Variants in FNBP1L observed in about 807,000 individuals in gnomAD.
The protein encoded by FNBP1L is formin-binding protein 1-like.
FNBP1L carries 36 observed loss-of-function variants against 91.2 expected under a neutral mutation model. The observed-to-expected ratio is 0.39, with a 90% CI of 0.30 to 0.52. The LOEUF is 0.52. FNBP1L is among the 20% of genes least tolerant of loss of function. The pLI, the probability that FNBP1L is intolerant of heterozygous loss-of-function variation, is 0.66. For missense variants in FNBP1L, 571 were observed against 732.1 expected, an observed-to-expected ratio of 0.78 and a Z score of 2.54; for synonymous variants, 242 against 237.0, an observed-to-expected ratio of 1.02 and a Z score of -0.19.
chr1:93,452,304 T>G (rs1244287469), intron 1 of FNBP1L, among the ~76,000 whole-genome samples: 1 of 152,190 alleles, frequency 6.6e-6, no homozygotes, highest in Non-Finnish European at 1.5e-5. Flanking sequence ...TCTGAAGGCC[T>G]TTGTAGATGG....
chr1:93,480,554 G>T (rs1382554714), intron 1 of FNBP1L, among the ~76,000 whole-genome samples: 1 of 151,878 alleles, frequency 6.6e-6, no homozygotes, highest in Non-Finnish European at 1.5e-5. Flanking sequence ...GACTCTAGGG[G>T]TCCTGTAAGT....
chr1:93,462,690 A>G (rs1406805166), intron 1 of FNBP1L, among the ~76,000 whole-genome samples: 1 of 152,110 alleles, frequency 6.6e-6, no homozygotes, highest in Non-Finnish European at 1.5e-5. Context: ...GGTTTTGGGG[A>G]GGAAGACCAT....
chr1:93,507,105 ACACTCTCTCTCTCTCTCTCTCT>A (rs1670659566), intron 2 of FNBP1L, among the ~76,000 whole-genome samples: 1 of 48,788 alleles, frequency 2.0e-5, no homozygotes. Context: ...ACACACACAC[ACACTCTCTCTCTCTCTCTCTCT>A]CTCTCTCTCT....
At chr1:93,476,408 C>T (rs140133278) in intron 1 of FNBP1L, among the ~76,000 whole-genome samples, 1 of 152,264 alleles carries the variant, frequency 6.6e-6, no homozygotes, top group East Asian at 1.9e-4. Context: ...AAGCACTCAA[C>T]ACAGTGCTTG....
intron 10 of FNBP1L, among the ~76,000 whole-genome samples, chr1:93,538,543 G>C (rs1428112341): frequency 6.6e-6 from 1 of 151,884 alleles, no homozygotes; most frequent in African/African-American, 2.4e-5. Context: ...ACAACTTGGA[G>C]GTTGAGAAAT....
At chr1:93,533,954 T>C (rs369723751) in intron 8 of FNBP1L, among the ~76,000 whole-genome samples, 6 of 152,116 alleles carry the variant, frequency 3.9e-5, no homozygotes, top group East Asian at 1.9e-4. Flanking sequence ...TTAACAGAAA[T>C]AGGCAACAAA....
intron 1 of FNBP1L, among the ~76,000 whole-genome samples, chr1:93,473,407 C>A (rs1183952179): frequency 6.6e-6 from 1 of 152,014 alleles, no homozygotes; most frequent in Non-Finnish European, 1.5e-5. Flanking sequence ...GAAGGTGAAA[C>A]TTAAGGTTAA....
intron 1 of FNBP1L, among the ~76,000 whole-genome samples, chr1:93,465,316 A>G (rs904918715): frequency 6.8e-4 from 103 of 151,886 alleles, no homozygotes; most frequent in African/African-American, 2.3e-3. Context: ...AACCCATCAT[A>G]TACATTATGT....
intron 2 of FNBP1L, among the ~76,000 whole-genome samples, chr1:93,520,302 A>G (rs1036217243): frequency 6.6e-6 from 1 of 152,226 alleles, no homozygotes; most frequent in Non-Finnish European, 1.5e-5. Context: ...TAATTAAGAC[A>G]GTGATTCTTT....
intron 2 of FNBP1L, among the ~76,000 whole-genome samples, chr1:93,513,939 G>A (rs1044293822): frequency 1.3e-5 from 2 of 152,116 alleles, no homozygotes; most frequent in Admixed American, 6.6e-5. Context: ...GCAGGAGAAA[G>A]AAATAAAGGG....
At chr1:93,529,867 T>C in intron 6 of FNBP1L, 111 bp downstream of exon 6, 1 of 639,884 alleles carries the variant, frequency 1.6e-6, no homozygotes, top group Non-Finnish European at 2.7e-6. Context: ...AGATACACTG[T>C]ATCTAAGTCT....
chr1:93,538,170 A>G (rs760920155), intron 10 of FNBP1L, among the ~76,000 whole-genome samples: 2 of 151,778 alleles, frequency 1.3e-5, no homozygotes, highest in Non-Finnish European at 2.9e-5. Flanking sequence ...AGTCATAGAG[A>G]TGCGAGGTAA....
At chr1:93,494,683 A>G (rs760833628) in intron 1 of FNBP1L, among the ~76,000 whole-genome samples, 2 of 152,202 alleles carry the variant, frequency 1.3e-5, no homozygotes, top group Non-Finnish European at 2.9e-5. Context: ...CCAAATGTAT[A>G]TATTTCTTAT....
chr1:93,546,517 G>A (rs1461593619), intron 12 of FNBP1L, among the ~76,000 whole-genome samples: 2 of 152,236 alleles, frequency 1.3e-5, no homozygotes, highest in African/African-American at 4.8e-5. Flanking sequence ...TTTGGGACAT[G>A]ATGAGCTGAA....
At chr1:93,476,680 A>T (rs1403128561) in intron 1 of FNBP1L, among the ~76,000 whole-genome samples, 1 of 152,138 alleles carries the variant, frequency 6.6e-6, no homozygotes, top group Non-Finnish European at 1.5e-5. Context: ...TGGTTAGGAG[A>T]TAATAGGTGT....
chr1:93,547,209 G>T, intron 13 of FNBP1L, 138 bp from the exon 14 acceptor site: 1 of 881,550 alleles, frequency 1.1e-6, no homozygotes, highest in Non-Finnish European at 1.7e-6. Flanking sequence ...TTGATCCTTT[G>T]ACCAGTTTGG....
rs34705153 is a variant in FNBP1L at position 93,459,941 on chromosome 1, A to ATGTGTGTGTGTGTGTGTG, written c.24+11656_24+11673dup. Reference sequence around the variant, plus strand: ...AGACCAGAAGTGTTTTGGATTTCAGATGTGTGTGTGTGTGTGTGTGTGTGT... The same window carrying ATGTGTGTGTGTGTGTGTG: ...AGACCAGAAGTGTTTTGGATTTCAGATGTGTGTGTGTGTGTGTGTGTGTGTGTGTGTGTGTGTGTGTGT... On this transcript the variant is annotated intron_variant, in intron 1 of 16. Coordinates refer to ENST00000271234, the MANE Select transcript of FNBP1L (RefSeq NM_001164473.3). Among the ~76,000 whole-genome samples, 995 of 142,256 alleles carry ATGTGTGTGTGTGTGTGTG rather than the reference A, an allele frequency of 7.0e-3. 11 individuals carry two copies. Among genetic ancestry groups the ATGTGTGTGTGTGTGTGTG allele is most frequent in the Non-Finnish European group, 8.7e-3 (567 of 65,250 alleles). The allele number at this position is 142,256 out of a possible 152,430, so 93.3% of individuals were successfully genotyped here. A position where few individuals can be genotyped will look rare whatever the true frequency, so the allele number is the denominator to read the frequency against.
At chr1:93,544,033 T>C in intron 11 of FNBP1L, 74 bp from the exon 12 acceptor site, 3 of 1,087,870 alleles carry the variant, frequency 2.8e-6, no homozygotes, top group Non-Finnish European at 3.9e-6. Flanking sequence ...TGTATTCTTA[T>C]TTTATAGCAG....
At chr1:93,509,921 C>A (rs550780500) in intron 2 of FNBP1L, among the ~76,000 whole-genome samples, 5 of 152,330 alleles carry the variant, frequency 3.3e-5, no homozygotes, top group Admixed American at 1.3e-4. Flanking sequence ...AAAAATGGCG[C>A]ACCAGGAGAT....
Sources: allele counts gnomAD v4.1 joint callset (sites outside exome capture counted in the v4.1 genomes callset), GRCh38; gene constraint gnomAD v4.1.1; transcripts MANE v1.5; gene names NCBI Gene and HGNC (gene_info 2026-07-23, HGNC 2026-07-21).